Variants in FPR2 observed in about 807,000 individuals in gnomAD.
FPR2 encodes formyl peptide receptor 2.
FPR2 carries 3 observed loss-of-function variants against 4.0 expected under a neutral mutation model. That is an observed-to-expected ratio of 0.74 (90% CI 0.34 to 1.92). The LOEUF (loss-of-function observed/expected upper bound fraction) is 1.92, where lower values mean the gene tolerates loss of function less well. Among genes scored for constraint, FPR2 ranks in the 30% most tolerant of loss-of-function variants. The pLI is 0.07. For synonymous variants in FPR2, 179 were observed against 171.5 expected (o/e 1.04, Z -0.34); for missense variants, 372 against 435.7 (o/e 0.85, Z 1.30).
chr19:51,768,606 T>C (rs1384114179), intron 1 of FPR2, 39 bp from the exon 2 acceptor site: 2 of 1,490,536 alleles, frequency 1.3e-6, no homozygotes, highest in Non-Finnish European at 1.8e-6. Flanking sequence ...TGTAAGATGG[T>C]TCCACAGCTG....
chr19:51,763,333 G>T (rs1346108456), intron 1 of FPR2: 1 of 152,180 alleles, frequency 6.6e-6, no homozygotes, highest in East Asian at 1.9e-4. Flanking sequence ...AAAGTGTGTT[G>T]TGTGTACATT....
chr19:51,766,600 T>C (rs2083869805), intron 1 of FPR2, among the ~76,000 whole-genome samples: 1 of 152,118 alleles, frequency 6.6e-6, no homozygotes, highest in Non-Finnish European at 1.5e-5. Context: ...CTTGGGGGAA[T>C]CCCTTTCAAA....
rs775845526 is a variant in FPR2, at chr19:51,768,888, C to T, written c.230C>T (p.Thr77Ile). The change falls in exon 2 of 2, where the codon ACA becomes ATA. Residue 77 changes from threonine (T) to isoleucine (I), a missense_variant. Transcript: ENST00000340023. ...CTGGCTGACTTTTCTTTCACGGCCA[C>T]ATTACCATTCCTCATTGTCTCCATG... is the stretch of plus-strand genomic sequence containing the variant. Reference protein sequence around the residue: ...LALADFSFTATLPFLIVSMAM... With the variant: ...LALADFSFTAILPFLIVSMAM... 4.3e-6 allele frequency: 7 copies of T among 1,614,062 alleles called. No individual in the cohort carries two copies. The highest frequency in any genetic ancestry group is 5.9e-6 in the Non-Finnish European group (7 of 1,180,038).
chr19:51,769,297 G>A lies in FPR2; in HGVS notation c.639G>A (p.Pro213=), dbSNP rs35073187. The change falls in exon 2 of 2, where the codon CCG becomes CCA. Residue 213 remains proline, a synonymous_variant. Transcript: ENST00000340023. This position sits in a 1 kb window ranked among gnomAD's most constrained non-coding sequence, Gnocchi z 4.4. The part of the protein sequence containing the change: ...IIRFVIGFSL[P]MSIVAICYGL... ...GGTTTGTCATTGGCTTTAGCTTGCCGATGTCCATTGTTGCCATCTGCTATG... is the reference window on the plus strand; with the variant it reads ...GGTTTGTCATTGGCTTTAGCTTGCCAATGTCCATTGTTGCCATCTGCTATG... The A allele has an allele frequency of 1.8e-3, 2,935 of 1,614,160 alleles. 25 individuals are homozygous for A. The African/African-American group carries it at 0.026, about 14-fold the overall frequency.
rs750680582 is a variant in FPR2, at chr19:51,769,497, T to C, written c.839T>C (p.Ile280Thr). The change falls in exon 2 of 2, where the codon ATT (isoleucine) becomes ACT (threonine). Residue 280 changes from isoleucine to threonine, a missense_variant. By Grantham distance (89) the Ile-to-Thr change is moderately conservative. Coordinates refer to ENST00000340023, the MANE Select transcript of FPR2 (RefSeq NM_001005738.2). The surrounding 1 kb of genome is among the most constrained non-coding windows in gnomAD (Gnocchi z 4.4). ...TTGTTCTATGGCAAGTACAAAATCA[T>C]TGACATCCTGGTTAACCCAACGAGC... ...EMLFYGKYKI[I>T]DILVNPTSSL... 1.2e-5 allele frequency: 20 copies of C among 1,614,186 alleles called. No homozygotes were observed. Among genetic ancestry groups the C allele is most frequent in the East Asian group, 2.2e-5 (1 of 44,880 alleles).
intron 1 of FPR2, among the ~76,000 whole-genome samples, chr19:51,767,267 C>T (rs1321066395): frequency 2.6e-5 from 4 of 152,118 alleles, no homozygotes; most frequent in African/African-American, 7.2e-5. Flanking sequence ...CCACAGACCA[C>T]GGCATAAGAA....
intron 1 of FPR2, among the ~76,000 whole-genome samples, chr19:51,764,045 C>A (rs1019291486): frequency 6.6e-6 from 1 of 152,144 alleles, no homozygotes; most frequent in Non-Finnish European, 1.5e-5. Context: ...AGGTGTGAGC[C>A]ACGGCACCTG....
At chr19:51,765,314 T>G (rs1005468773) in intron 1 of FPR2, among the ~76,000 whole-genome samples, 11 of 152,350 alleles carry the variant, frequency 7.2e-5, no homozygotes, top group African/African-American at 2.6e-4. Flanking sequence ...CTACTCTTTC[T>G]ACCTGGTAAC....
chr19:51,766,436 G>A lies in FPR2; in HGVS notation c.-14-2209G>A, dbSNP rs76307808. Among the ~76,000 whole-genome samples the A allele has an allele frequency of 1.9e-3, 284 of 152,304 alleles. 1 individual carries two copies. Among genetic ancestry groups the A allele is most frequent in the Middle Eastern group, 6.8e-3 (2 of 294 alleles). On this transcript the variant is annotated intron_variant, in intron 1 of 1. Coordinates refer to ENST00000340023, the MANE Select transcript of FPR2 (RefSeq NM_001005738.2). ...AATTACCCAGACCCAGATGTCAAAG[G>A]TGCCAAGGTTGAGAAACCCTGAGCT...
rs1161991729 is a variant in FPR2, at chr19:51,770,428, C to T, written c.*714C>T. The T allele has an allele frequency of 6.0e-6, 1 of 167,042 alleles. No individual in the cohort carries two copies. Among genetic ancestry groups the T allele is most frequent in the Non-Finnish European group, 1.5e-5 (1 of 68,120 alleles). The allele number at this position is 167,042 out of a possible 1,614,324, so 10.3% of individuals were successfully genotyped here. On this transcript the variant is annotated 3_prime_UTR_variant, in exon 2 of 2. Transcript: ENST00000340023. The stretch of plus-strand genomic sequence containing the variant: ...ATAGAAAATAAGGAACAAAGAGAAA[C>T]TTGTAATGGTCTCTGAAAAGGAATT...
At chr19:51,768,455 G>A in intron 1 of FPR2, 190 bp from the exon 2 acceptor site, 3 of 581,298 alleles carry the variant, frequency 5.2e-6, no homozygotes, top group Non-Finnish European at 9.2e-6. Flanking sequence ...GGAATATGGA[G>A]GACTATCCCT....
At chr19:51,762,455 C>G (rs547374065) in intron 1 of FPR2, 2 of 151,104 alleles carry the variant, frequency 1.3e-5, no homozygotes, top group African/African-American at 4.9e-5. Flanking sequence ...TGCAATGGCA[C>G]GATCTCAGCT....
intron 1 of FPR2, among the ~76,000 whole-genome samples, chr19:51,765,728 G>C (rs762730393): frequency 2.4e-4 from 36 of 152,182 alleles, no homozygotes; most frequent in Non-Finnish European, 4.9e-4. Context: ...ATTTGTCATA[G>C]ATATACTCAG....
Position 51,768,849 on chromosome 19 carries a change from A to G in FPR2, c.191A>G (p.Tyr64Cys), listed in dbSNP as rs1400663583. The G allele has an allele frequency of 1.3e-5, 21 of 1,613,952 alleles. No homozygotes were observed. The highest frequency in any genetic ancestry group is 1.8e-5 in the Non-Finnish European group (21 of 1,180,022). Reference sequence around the variant, plus strand: ...ACACGCACAGTCACCACCATCTGTTACCTGAACCTGGCCCTGGCTGACTTT... The same window carrying G: ...ACACGCACAGTCACCACCATCTGTTGCCTGAACCTGGCCCTGGCTGACTTT... ...RMTRTVTTIC[Y>C]LNLALADFSF... Residue 64 changes from tyrosine (Y) to cysteine (C), a missense_variant, in exon 2 of 2, where the codon TAC becomes TGC. Transcript: ENST00000340023.
Position 51,769,401 on chromosome 19 carries a change from C to A in FPR2, c.743C>A (p.Ala248Asp). Residue 248 changes from alanine to aspartate, a missense_variant, in exon 2 of 2, where the codon GCT (alanine) becomes GAT (aspartate). By Grantham distance (126) the Ala-to-Asp change is moderately radical. Transcript: ENST00000340023. The surrounding 1 kb of genome is among the most constrained non-coding windows in gnomAD (Gnocchi z 4.4). The part of the protein sequence containing the change: ...RPLRVLTAVV[A>D]SFFICWFPFQ... ...TTACGGGTCCTCACTGCTGTGGTGG[C>A]TTCTTTCTTCATCTGTTGGTTTCCC... The A allele has an allele frequency of 6.2e-7, 1 of 1,614,216 alleles. No individual in the cohort carries two copies. Among genetic ancestry groups the A allele is most frequent in the South Asian group, 1.1e-5 (1 of 91,088 alleles).
At chr19:51,767,482 A>C (rs928049700) in intron 1 of FPR2, among the ~76,000 whole-genome samples, 1 of 152,204 alleles carries the variant, frequency 6.6e-6, no homozygotes, top group African/African-American at 2.4e-5. Flanking sequence ...TCCACTACCA[A>C]AGCAATCCCT....
At chr19:51,764,339 A>AT (rs1266717067) in intron 1 of FPR2, among the ~76,000 whole-genome samples, 3 of 152,122 alleles carry the variant, frequency 2.0e-5, no homozygotes, top group African/African-American at 7.2e-5. Flanking sequence ...AGTTATTACC[A>AT]TTTTCTCATT....
chr19:51,765,448 C>T (rs578116861), intron 1 of FPR2, among the ~76,000 whole-genome samples: 15 of 152,242 alleles, frequency 9.9e-5, no homozygotes, highest in African/African-American at 3.1e-4. Context: ...GCAAAAACAG[C>T]GTTACTTTTG....
At chr19:51,768,109 T>G (rs2083877900) in intron 1 of FPR2, among the ~76,000 whole-genome samples, 1 of 152,076 alleles carries the variant, frequency 6.6e-6, no homozygotes, top group Non-Finnish European at 1.5e-5. Flanking sequence ...TCCTCAAAAT[T>G]CTCTTCAACA....
Sources: allele counts gnomAD v4.1 joint callset (sites outside exome capture counted in the v4.1 genomes callset), GRCh38; gene constraint gnomAD v4.1.1; non-coding constraint Gnocchi (gnomAD v3.1); transcripts MANE v1.5; gene names NCBI Gene and HGNC (gene_info 2026-07-23, HGNC 2026-07-21).